Variants in ATXN2 observed in about 807,000 individuals in gnomAD.
ATXN2 encodes the protein ataxin-2.
A neutral mutation model predicts 138.6 loss-of-function variants in ATXN2; 37 were observed. The ratio of observed to expected loss-of-function variants is 0.27; its 90% CI spans 0.21 to 0.35. The LOEUF is 0.35. ATXN2 is among the 10% of genes least tolerant of loss of function. ATXN2 has a pLI of 1.00. For missense variants in ATXN2, 1,216 were observed against 1,480.3 expected (o/e 0.82, Z 2.93); for synonymous variants, 549 against 543.7 (o/e 1.01, Z -0.13).
intron 5 of ATXN2, among the ~76,000 whole-genome samples, chr12:111,545,971 A>C (rs919059129): frequency 2.0e-5 from 3 of 151,942 alleles, no homozygotes; most frequent in African/African-American, 2.4e-5. Flanking sequence ...TGAAAAAAAA[A>C]AAAAAAAAGA....
In ATXN2 at chr12:111,555,802, T is replaced by C. The variant is rs962301374; in HGVS notation, c.288+81A>G. On this transcript the variant is annotated intron_variant, in intron 2 of 24. Transcript: ENST00000673436. ...ACAAAATTCAAAAGAAGGGAATCTTTTGCCTTGGCATTTGGTCTGTGGTTA... is the reference window on the plus strand; with the variant it reads ...ACAAAATTCAAAAGAAGGGAATCTTCTGCCTTGGCATTTGGTCTGTGGTTA... 12 of 1,181,832 alleles carry C rather than the reference T, an allele frequency of 1.0e-5. No individual in the cohort carries two copies. The African/African-American group carries it at 1.9e-4, about 19-fold the overall frequency. The allele number at this position is 1,181,832 out of a possible 1,614,324, so 73.2% of individuals were successfully genotyped here. A position where few individuals can be genotyped will look rare whatever the true frequency, so the allele number is the denominator to read the frequency against.
intron 20 of ATXN2, chr12:111,469,214 A>C (rs961560391): frequency 1.2e-4 from 19 of 152,212 alleles, no homozygotes; most frequent in African/African-American, 4.3e-4. Flanking sequence ...TACTCCAAAC[A>C]ACCAAAAACG....
intron 2 of ATXN2, among the ~76,000 whole-genome samples, chr12:111,555,316 A>G (rs146961925): frequency 1.3e-5 from 2 of 152,280 alleles, no homozygotes; most frequent in East Asian, 1.9e-4. Flanking sequence ...CAAAAATACT[A>G]TTTACAAATG....
intron 14 of ATXN2, among the ~76,000 whole-genome samples, chr12:111,493,957 G>C (rs752700193): frequency 4.0e-5 from 6 of 151,496 alleles, no homozygotes; most frequent in Non-Finnish European, 7.4e-5. Context: ...TTTTGAGACA[G>C]TCTTACTCTG....
chr12:111,546,436 C>T (rs1041966476), intron 5 of ATXN2, among the ~76,000 whole-genome samples: 3 of 152,116 alleles, frequency 2.0e-5, no homozygotes, highest in African/African-American at 7.2e-5. Context: ...AATGCACAAA[C>T]GCATGGGCAT....
intron 1 of ATXN2, among the ~76,000 whole-genome samples, chr12:111,565,693 A>G (rs1882964723): frequency 6.6e-6 from 1 of 152,094 alleles, no homozygotes; most frequent in South Asian, 2.1e-4. Context: ...AGATATAACA[A>G]TATTGAAATT....
chr12:111,588,440 T>G (rs985010861), intron 1 of ATXN2, among the ~76,000 whole-genome samples: 2 of 151,976 alleles, frequency 1.3e-5, no homozygotes, highest in Admixed American at 6.6e-5. Context: ...CTGGCCAATA[T>G]GGTGAAACCC....
chr12:111,586,263 CCAGGCTGGGGCA>C lies in ATXN2; in HGVS notation c.251+12509_251+12520del, dbSNP rs374759046. Among the ~76,000 whole-genome samples, 406 of 151,096 alleles carry C rather than the reference CCAGGCTGGGGCA, an allele frequency of 2.7e-3. 1 individual carries two copies. The highest frequency in any genetic ancestry group is 3.9e-3 in the Non-Finnish European group (267 of 67,780). The stretch of plus-strand genomic sequence containing the variant: ...ACAGAGTCTCACTCTGCTCTGTGGC[CCAGGCTGGGGCA>C]CAGTGGCACAATCTGAGCTCACTGC... On this transcript the variant is annotated intron_variant, in intron 1 of 24. Coordinates refer to ENST00000673436, the MANE Select transcript of ATXN2 (RefSeq NM_001372574.1).
rs142367919 is a variant in ATXN2, at chr12:111,455,187, T to C, written c.3270+842A>G. 2.0e-3 allele frequency: 1,418 copies of C among 699,356 alleles called. 14 individuals carry two copies. The highest frequency in any genetic ancestry group is 0.014 in the Admixed American group (695 of 49,910). 43.3% of individuals were successfully genotyped at this position (699,356 alleles called of 1,614,324 possible). A position where few individuals can be genotyped will look rare whatever the true frequency, so the allele number is the denominator to read the frequency against. On this transcript the variant is annotated intron_variant, in intron 23 of 24. Coordinates refer to ENST00000673436, the MANE Select transcript of ATXN2 (RefSeq NM_001372574.1). ...AGACCCGCCTCAGAGAGTTCTGTTA[T>C]GAAAGTAGCAGAGACATCTAATACA...
chr12:111,461,032 G>A (rs1307321253), intron 21 of ATXN2: 2 of 152,122 alleles, frequency 1.3e-5, no homozygotes, highest in Admixed American at 6.5e-5. Context: ...AACCACAAAG[G>A]ATGTGTAAAA....
chr12:111,509,599 C>A lies in ATXN2; in HGVS notation c.1885G>T (p.Glu629Ter). The change falls in exon 14 of 25, where the codon GAA becomes TAA. Residue 629 changes from glutamate (E) to a stop codon, truncating the protein, a stop_gained. Coordinates refer to ENST00000673436, the MANE Select transcript of ATXN2 (RefSeq NM_001372574.1). LOFTEE classifies it high-confidence loss of function. Reference sequence around the variant, plus strand: ...AAATCATCAATCTGTTTTCTATGTTCAGAAACAACTGGTGATATACCTGTA... The same window carrying A: ...AAATCATCAATCTGTTTTCTATGTTAAGAAACAACTGGTGATATACCTGTA... The part of the protein sequence containing the change: ...ENKGISPVVS[E>*]HRKQIDDLKK... The A allele has an allele frequency of 6.7e-7, 1 of 1,495,278 alleles. No homozygotes were observed. Among genetic ancestry groups the A allele is most frequent in the South Asian group, 1.2e-5 (1 of 84,752 alleles). 92.6% of individuals were successfully genotyped at this position (1,495,278 alleles called of 1,614,324 possible). A position where few individuals can be genotyped will look rare whatever the true frequency, so the allele number is the denominator to read the frequency against.
intron 5 of ATXN2, among the ~76,000 whole-genome samples, chr12:111,541,407 A>G (rs1480236602): frequency 8.0e-5 from 11 of 137,692 alleles, no homozygotes; most frequent in African/African-American, 2.1e-4. Flanking sequence ...GCTGGAGTGC[A>G]ATGGCGCGAT....
intron 18 of ATXN2, among the ~76,000 whole-genome samples, chr12:111,482,319 C>T (rs375752343): frequency 1.3e-5 from 2 of 151,730 alleles, no homozygotes; most frequent in Non-Finnish European, 2.9e-5. Flanking sequence ...CTCAGCCTCC[C>T]GAGTAGCTGG....
chr12:111,467,307 CTTTTTTTTTT>C (rs61507608), intron 20 of ATXN2, among the ~76,000 whole-genome samples: 42 of 34,830 alleles, frequency 1.2e-3, no homozygotes, highest in Middle Eastern at 0.03. Flanking sequence ...CATGACTGGG[CTTTTTTTTTT>C]TTTTTTTTTT....
At chr12:111,538,746 A>C in intron 5 of ATXN2, among the ~76,000 whole-genome samples, 1 of 150,422 alleles carries the variant, frequency 6.6e-6, no homozygotes, top group Non-Finnish European at 1.5e-5. Context: ...TATCAGTTAA[A>C]ATGGTGCTGT....
intron 14 of ATXN2, among the ~76,000 whole-genome samples, chr12:111,501,472 A>G (rs1878757726): frequency 6.6e-6 from 1 of 152,196 alleles, no homozygotes; most frequent in African/African-American, 2.4e-5. Context: ...AGGTTGCCTT[A>G]AAATTAGAGA....
At chr12:111,494,174 C>T (rs531986556) in intron 14 of ATXN2, among the ~76,000 whole-genome samples, 3 of 152,212 alleles carry the variant, frequency 2.0e-5, no homozygotes, top group Admixed American at 2.0e-4. Flanking sequence ...AGGTGATCCG[C>T]CCACCTCAGC....
chr12:111,558,662 T>G (rs953819532), intron 1 of ATXN2, among the ~76,000 whole-genome samples: 2 of 152,064 alleles, frequency 1.3e-5, no homozygotes, highest in Admixed American at 1.3e-4. Flanking sequence ...CCAGGCATGG[T>G]GGCACACGCC....
At chr12:111,469,836 G>C (rs993764750) in intron 20 of ATXN2, 1 of 423,104 alleles carries the variant, frequency 2.4e-6, no homozygotes, top group Admixed American at 4.0e-5. Flanking sequence ...GAGGAGAAAG[G>C]TACCTTTCTC....
Sources: gnomAD v4.1 joint callset for allele counts (sites outside exome capture counted in the v4.1 genomes callset) on GRCh38, gnomAD v4.1.1 for gene constraint, MANE v1.5 for transcripts, NCBI Gene and HGNC (gene_info 2026-07-23, HGNC 2026-07-21) for gene names.